Variants in KIF21B observed in about 807,000 individuals in gnomAD.
KIF21B encodes kinesin-like protein KIF21B.
In KIF21B, 85 loss-of-function variants were observed where a neutral mutation model predicts 192.9. That is an observed-to-expected ratio of 0.44 (90% CI 0.37 to 0.53). The LOEUF is 0.53. Ranked by LOEUF, KIF21B falls within the 20% of genes least tolerant of loss-of-function variation. The probability of loss-of-function intolerance (pLI) is 0.00; values close to 1 mark genes in which losing one functional copy is unlikely to be tolerated. For synonymous variants in KIF21B, 832 were observed against 884.6 expected (o/e 0.94, Z 1.05); for missense variants, 1,716 against 2,194.8 (o/e 0.78, Z 4.36).
intron 9 of KIF21B, 118 bp downstream of exon 9, chr1:201,002,043 T>G: frequency 2.4e-6 from 2 of 830,142 alleles, no homozygotes; most frequent in Non-Finnish European, 3.8e-6. Flanking sequence ...AATGCATAAA[T>G]GAGTTGAACT....
At position 200,990,963 on chromosome 1, in the gene KIF21B, A is replaced by T. The variant is rs200776260; in HGVS notation, c.2641T>A (p.Leu881Met). The T allele has an allele frequency of 6.2e-4, 1,004 of 1,614,164 alleles. 5 individuals are homozygous for T. The highest frequency in any genetic ancestry group is 2.5e-4 in the Non-Finnish European group (298 of 1,180,046). Residue 881 changes from leucine (L) to methionine (M), a missense_variant, in exon 18 of 35, where the codon TTG (leucine) becomes ATG (methionine). By Grantham distance (15) the Leu-to-Met change is conservative. Around this residue, in one of 3 missense-constraint regions of KIF21B, gnomAD observed 1,087 missense variants for 1,316.6 expected, o/e 0.83. Coordinates refer to ENST00000461742, the MANE Select transcript of KIF21B (RefSeq NM_001252102.2). The surrounding 1 kb of genome is among the most constrained non-coding windows in gnomAD (Gnocchi z 5.4). ...ACAGTGGGCGCAGGATGGTCCCCCA[A>T]GAAGTGGTTGATTTTGCGGTTCCAC... ...RQWNRKINHF[L>M]GDHPAPTVNG...
chr1:201,007,719 T>C (rs1444054520), intron 3 of KIF21B, among the ~76,000 whole-genome samples: 1 of 132,336 alleles, frequency 7.6e-6, no homozygotes, highest in African/African-American at 2.9e-5. Flanking sequence ...CACAGACACA[T>C]AGACACACAT....
At position 201,000,687 on chromosome 1, in the gene KIF21B, G is replaced by A; in HGVS notation, c.1466+30C>T. The stretch of plus-strand genomic sequence containing the variant: ...GTCACCTGGCCGAGGCCCCCAGCCC[G>A]CGCACACCTGCCGGAGCTCACTCAC... On this transcript the variant is annotated intron_variant, in intron 10 of 34. Transcript: ENST00000461742. This position sits in a 1 kb window ranked among gnomAD's most constrained non-coding sequence, Gnocchi z 6.0. 6.2e-7 allele frequency: 1 copy of A among 1,613,908 alleles called. No homozygotes were observed. Among genetic ancestry groups the A allele is most frequent in the Non-Finnish European group, 8.5e-7 (1 of 1,179,858 alleles).
At chr1:201,011,254 A>G (rs1159471171) in intron 1 of KIF21B, among the ~76,000 whole-genome samples, 1 of 152,176 alleles carries the variant, frequency 6.6e-6, no homozygotes, top group Admixed American at 6.5e-5. Flanking sequence ...TTCTACCTCT[A>G]CTGCTAATAA....
Position 201,008,957 on chromosome 1 carries a change from T to A in KIF21B, c.265-6A>T. On this transcript the variant is annotated splice_polypyrimidine_tract_variant and splice_region_variant and intron_variant, in intron 2 of 34. Transcript: ENST00000461742. The stretch of plus-strand genomic sequence containing the variant: ...TACGTCTTCCCGGCCCCCGTCTGCA[T>A]TGGCAAAGATAGGAGGGTGTAACCC... 2 of 1,605,390 alleles carry A rather than the reference T, an allele frequency of 1.2e-6. No homozygotes were observed. The highest frequency in any genetic ancestry group is 1.7e-4 in the Middle Eastern group (1 of 6,044).
In KIF21B at chr1:201,005,362, G is replaced by A. The variant is rs200374473; in HGVS notation, c.678C>T (p.His226=). Residue 226 remains histidine (H), a synonymous_variant, in exon 5 of 35, where the codon CAC becomes CAT. Coordinates refer to ENST00000461742, the MANE Select transcript of KIF21B (RefSeq NM_001252102.2). Reference sequence around the variant, plus strand: ...GGCACAGGTGGATGGTGAAGATGGCGTGGGAGCGTGAGCTCTGCACGTTCA... The same window carrying A: ...GGCACAGGTGGATGGTGAAGATGGCATGGGAGCGTGAGCTCTGCACGTTCA... The part of the protein sequence containing the change: ...TQMNVQSSRS[H]AIFTIHLCQM... 5.0e-6 allele frequency: 8 copies of A among 1,613,016 alleles called. No individual in the cohort carries two copies. Among genetic ancestry groups the A allele is most frequent in the African/African-American group, 2.7e-5 (2 of 75,056 alleles).
At chr1:200,995,180 A>G (rs1656970693) in intron 15 of KIF21B, among the ~76,000 whole-genome samples, 2 of 152,212 alleles carry the variant, frequency 1.3e-5, no homozygotes, top group Non-Finnish European at 2.9e-5. Flanking sequence ...TCCTCTGCAC[A>G]TTGAGTCGGC....
In KIF21B at chr1:200,969,961, C is replaced by CTTG; in HGVS notation, c.*3559_*3560insCAA. Reference sequence around the variant, plus strand: ...AAGCAAGGAGAGCAGCAAGCAGTTGCCTGTTTGGGATGGCAAAGGGACACA... The same window carrying CTTG: ...AAGCAAGGAGAGCAGCAAGCAGTTGCTTGCTGTTTGGGATGGCAAAGGGACACA... On this transcript the variant is annotated 3_prime_UTR_variant, in exon 35 of 35. Transcript: ENST00000461742. 1 of 152,496 alleles carries CTTG rather than the reference C, an allele frequency of 6.6e-6. No individual in the cohort carries two copies. The highest frequency in any genetic ancestry group is 2.4e-5 in the African/African-American group (1 of 41,470). The allele number at this position is 152,496 out of a possible 1,614,324, so 9.4% of individuals were successfully genotyped here. A position where few individuals can be genotyped will look rare whatever the true frequency, so the allele number is the denominator to read the frequency against.
intron 3 of KIF21B, among the ~76,000 whole-genome samples, chr1:201,007,488 A>G (rs1381646815): frequency 6.6e-6 from 1 of 151,564 alleles, no homozygotes; most frequent in Non-Finnish European, 1.5e-5. Flanking sequence ...ACATAGACAC[A>G]CACACAGAGA....
In KIF21B at chr1:200,998,475, C is replaced by A; in HGVS notation, c.1986G>T (p.Thr662=). ...ELENSQRRLQ[T]LKHQYEEKLI... The stretch of plus-strand genomic sequence containing the variant: ...GCTTTTCCTCATACTGGTGCTTGAG[C>A]GTCTGCAACCGCCGCTGGCTGTTCT... The change falls in exon 14 of 35, where the codon ACG becomes ACT. Residue 662 remains threonine (T), a synonymous_variant. Coordinates refer to ENST00000461742, the MANE Select transcript of KIF21B (RefSeq NM_001252102.2). The surrounding 1 kb of genome is among the most constrained non-coding windows in gnomAD (Gnocchi z 4.3). The A allele has an allele frequency of 6.2e-7, 1 of 1,614,036 alleles. No individual in the cohort carries two copies. The highest frequency in any genetic ancestry group is 8.5e-7 in the Non-Finnish European group (1 of 1,180,016).
chr1:201,007,747 C>A (rs1418410467), intron 3 of KIF21B, among the ~76,000 whole-genome samples: 3 of 151,506 alleles, frequency 2.0e-5, no homozygotes, highest in Non-Finnish European at 4.4e-5. Context: ...CACACATACA[C>A]AGATGCACTC....
Position 200,996,406 on chromosome 1 carries a change from G to A in KIF21B, c.2078-11C>T, listed in dbSNP as rs779903221. ...AGCACTCCATGGTGCCTGAGAGCAAGGAGACGCAGCTGTCGGTGCTGGGTC... is the reference window on the plus strand; with the variant it reads ...AGCACTCCATGGTGCCTGAGAGCAAAGAGACGCAGCTGTCGGTGCTGGGTC... On this transcript the variant is annotated splice_polypyrimidine_tract_variant and intron_variant, in intron 14 of 34. Coordinates refer to ENST00000461742, the MANE Select transcript of KIF21B (RefSeq NM_001252102.2). 5.0e-6 allele frequency: 8 copies of A among 1,612,802 alleles called. No individual in the cohort carries two copies. In the South Asian group the frequency reaches 8.8e-5, roughly 18 times the overall value.
intron 1 of KIF21B, among the ~76,000 whole-genome samples, chr1:201,014,253 G>A (rs770668403): frequency 3.0e-4 from 46 of 152,346 alleles, no homozygotes; most frequent in Non-Finnish European, 5.4e-4. Context: ...GGACATGCGG[G>A]CGGCTGGGGA....
chr1:200,983,390 G>C (rs1034339848), intron 27 of KIF21B, among the ~76,000 whole-genome samples: 1 of 152,104 alleles, frequency 6.6e-6, no homozygotes, highest in African/African-American at 2.4e-5. Flanking sequence ...ATGGGGAGAC[G>C]TTTCCAGGGC....
At chr1:200,978,844 G>A (rs1557998177) in intron 30 of KIF21B, among the ~76,000 whole-genome samples, 2 of 152,110 alleles carry the variant, frequency 1.3e-5, no homozygotes. Context: ...GCACCACCAT[G>A]CTCAGCTAAC....
rs1658107405 is a variant in KIF21B at position 201,009,416 on chromosome 1, G to A, written c.114C>T (p.Pro38=). The A allele has an allele frequency of 1.2e-6, 2 of 1,614,236 alleles. No individual in the cohort carries two copies. Among genetic ancestry groups the A allele is most frequent in the African/African-American group, 1.3e-5 (1 of 75,054 alleles). Residue 38 remains proline, a synonymous_variant, in exon 2 of 35, where the codon CCC becomes CCT. Coordinates refer to ENST00000461742, the MANE Select transcript of KIF21B (RefSeq NM_001252102.2). ...HICTSVTPGE[P]QVLLGKDKAF... is the part of the protein sequence containing the mutation. ...CCTTGTCCTTCCCCAGCAGGACCTGGGGCTCTCCCGGGGTAACAGAGGTAC... is the reference window on the plus strand; with the variant it reads ...CCTTGTCCTTCCCCAGCAGGACCTGAGGCTCTCCCGGGGTAACAGAGGTAC...
At position 200,980,872 on chromosome 1, in the gene KIF21B, C is replaced by G. The variant is rs112132776; in HGVS notation, c.3979+88G>C. The G allele has an allele frequency of 5.3e-4, 798 of 1,513,876 alleles. 2 individuals are homozygous for G. The African/African-American group carries it at 9.8e-3, about 19-fold the overall frequency. 93.8% of individuals were successfully genotyped at this position (1,513,876 alleles called of 1,614,324 possible). On this transcript the variant is annotated intron_variant, in intron 29 of 34. Transcript: ENST00000461742. ...CCTCAACTCCTGGGGGCTCTATGTT[C>G]TTTTCTCCTTCACAGACCACTCTGA...
At position 200,991,165 on chromosome 1, in the gene KIF21B, GAA is replaced by G. The variant is rs1656669062; in HGVS notation, c.2455-18_2455-17del. ...GTGCAGAAACCTGGGGCAGCAGGGA[GAA>G]AAGAGGGAGCCGGTGAGCAGGGTGG... On this transcript the variant is annotated splice_polypyrimidine_tract_variant and intron_variant, in intron 17 of 34. Transcript: ENST00000461742. 3 of 1,605,418 alleles carry G rather than the reference GAA, an allele frequency of 1.9e-6. No individual in the cohort carries two copies. The highest frequency in any genetic ancestry group is 1.7e-5 in the Admixed American group (1 of 59,584).
chr1:200,974,652 C>T, intron 34 of KIF21B, 62 bp downstream of exon 34: 1 of 1,458,700 alleles, frequency 6.9e-7, no homozygotes, highest in South Asian at 1.2e-5. Context: ...CTCCCAGCCT[C>T]CCCTGCCCAC....
Sources: gnomAD v4.1 joint callset for allele counts (sites outside exome capture counted in the v4.1 genomes callset) on GRCh38, gnomAD v4.1.1 for gene constraint, gnomAD v4.1.1 regional missense constraint, Gnocchi (gnomAD v3.1) non-coding constraint, MANE v1.5 for transcripts, NCBI Gene and HGNC (gene_info 2026-07-23, HGNC 2026-07-21) for gene names.